The following MACF1 variants were observed in gnomAD, a reference collection of about 807,000 sequenced individuals.
The protein encoded by MACF1 is microtubule-actin cross-linking factor 1.
MACF1 carries 193 observed loss-of-function variants against 854.8 expected under a neutral mutation model. The observed-to-expected ratio is 0.23, with a 90% CI of 0.20 to 0.25. The LOEUF (loss-of-function observed/expected upper bound fraction) is 0.25, where lower values mean the gene tolerates loss of function less well. Among genes scored for constraint, MACF1 ranks in the 10% least tolerant of loss-of-function variants. The pLI, the probability that MACF1 is intolerant of heterozygous loss-of-function variation, is 1.00. For synonymous variants in MACF1, 3,185 were observed against 3,226.7 expected, an observed-to-expected ratio of 0.99 and a Z score of 0.44; for missense variants, 7,722 against 8,929.1, an observed-to-expected ratio of 0.86 and a Z score of 5.45.
intron 2 of MACF1, among the ~76,000 whole-genome samples, chr1:39,117,307 C>T (rs1008981663): frequency 2.0e-5 from 3 of 151,966 alleles, no homozygotes; most frequent in African/African-American, 7.3e-5. Flanking sequence ...TGATGTAGTT[C>T]TTTCCCATTG....
Position 39,480,002 on chromosome 1 carries a change from G to A in MACF1, c.22163G>A (p.Gly7388Glu). Residue 7388 changes from glycine (G) to glutamate (E), a missense_variant, in exon 98 of 101, where the codon GGA (glycine) becomes GAA (glutamate). This residue lies in a region of MACF1 where 185 missense variants were observed against 225.7 expected (regional missense o/e 0.82). Coordinates refer to ENST00000564288, the MANE Select transcript of MACF1 (RefSeq NM_001394062.1). ...MPSSPATPAS[G>E]TKTSLQFSRC... ...TCTTCTCCAGCCACCCCAGCCAGTGGAACCAAGGTATGTACTGATCTCCAT... is the reference window on the plus strand; with the variant it reads ...TCTTCTCCAGCCACCCCAGCCAGTGAAACCAAGGTATGTACTGATCTCCAT... 6.3e-7 allele frequency: 1 copy of A among 1,575,584 alleles called. No homozygotes were observed. The highest frequency in any genetic ancestry group is 8.7e-7 in the Non-Finnish European group (1 of 1,155,234).
Position 39,218,468 on chromosome 1 carries a change from A to ATC in MACF1, c.110-12708_110-12707dup, listed in dbSNP as rs1485541499. Reference sequence around the variant, plus strand: ...TGTGTGACCTTGTCTAAATTATTTAATCTCTCTGGGCCTTGGTTTCTTCAT... The same window carrying ATC: ...TGTGTGACCTTGTCTAAATTATTTAATCTCTCTCTGGGCCTTGGTTTCTTCAT... On this transcript the variant is annotated intron_variant, in intron 1 of 100. Coordinates refer to ENST00000564288, the MANE Select transcript of MACF1 (RefSeq NM_001394062.1). Among the ~76,000 whole-genome samples, 4 of 150,922 alleles carry ATC rather than the reference A, an allele frequency of 2.7e-5. No homozygotes were observed. The East Asian group carries it at 7.8e-4, about 29-fold the overall frequency.
chr1:39,476,579 AAAAG>A (rs1175126675), intron 97 of MACF1, among the ~76,000 whole-genome samples: 34 of 152,234 alleles, frequency 2.2e-4, no homozygotes, highest in Admixed American at 4.6e-4. Flanking sequence ...TCAAAAAAAA[AAAAG>A]AAAGAAAGAA....
intron 21 of MACF1, 40 bp downstream of exon 21, chr1:39,297,785 G>A: frequency 6.2e-7 from 1 of 1,610,548 alleles, no homozygotes; most frequent in Non-Finnish European, 8.5e-7. Context: ...TTCTGAGAAA[G>A]AGAGTAAACC....
At position 39,280,617 on chromosome 1, in the gene MACF1, G is replaced by A. The variant is rs983459086; in HGVS notation, c.529-1591G>A. Among the ~76,000 whole-genome samples the A allele has an allele frequency of 5.3e-4, 81 of 151,902 alleles. 1 individual carries two copies. The highest frequency in any genetic ancestry group is 3.4e-3 in the Middle Eastern group (1 of 294). ...TTTTGAGACAGAGTCTCACTCTGTC[G>A]CCCAGGCTAGGGTGCAGTGGCACAA... On this transcript the variant is annotated intron_variant, in intron 6 of 100. Transcript: ENST00000564288.
At chr1:39,349,351 A>C (rs1469511444) in intron 41 of MACF1, 127 bp from the exon 42 acceptor site, 1 of 879,988 alleles carries the variant, frequency 1.1e-6, no homozygotes, top group East Asian at 2.6e-5. Context: ...GTCTTTTCCT[A>C]TTCTAGTCTC....
At position 39,385,579 on chromosome 1, in the gene MACF1, T is replaced by G; in HGVS notation, c.13994T>G (p.Val4665Gly). The G allele has an allele frequency of 2.5e-6, 4 of 1,614,100 alleles. No homozygotes were observed. The highest frequency in any genetic ancestry group is 3.4e-6 in the Non-Finnish European group (4 of 1,180,024). ...CTCCAGAGCATCAATCAGAAATGGG[T>G]TGAGCTGACTGACAAACTCAACTCC... ...KELQSINQKW[V>G]ELTDKLNSRS... The change falls in exon 57 of 101, where the codon GTT becomes GGT. Residue 4665 changes from valine to glycine, a missense_variant. This residue lies in a region of MACF1 where 2,807 missense variants were observed against 3,235.8 expected (regional missense o/e 0.87). Coordinates refer to ENST00000564288, the MANE Select transcript of MACF1 (RefSeq NM_001394062.1).
intron 22 of MACF1, among the ~76,000 whole-genome samples, chr1:39,301,073 T>C (rs1646030126): frequency 6.6e-6 from 1 of 152,172 alleles, no homozygotes; most frequent in Non-Finnish European, 1.5e-5. Context: ...CCTCCCCATT[T>C]AGTGCACAAA....
intron 2 of MACF1, among the ~76,000 whole-genome samples, chr1:39,123,717 GTTTTTT>G (rs1170430073): frequency 2.9e-4 from 29 of 100,500 alleles, no homozygotes; most frequent in East Asian, 2.8e-3. Flanking sequence ...TTCTTGTTTT[GTTTTTT>G]TTTTTTTTTT....
At position 39,278,791 on chromosome 1, in the gene MACF1, G is replaced by A. The variant is rs558899554; in HGVS notation, c.529-3417G>A. 9.9e-5 allele frequency among the ~76,000 whole-genome samples: 15 copies of A among 152,228 alleles called. No homozygotes were observed. The South Asian group carries it at 2.9e-3, about 30-fold the overall frequency. ...GAAGAAGCTGTTTATAGGAAGAGCCGTGATCCATTATTGTGTCCTTGGCTC... is the reference window on the plus strand; with the variant it reads ...GAAGAAGCTGTTTATAGGAAGAGCCATGATCCATTATTGTGTCCTTGGCTC... On this transcript the variant is annotated intron_variant, in intron 6 of 100. Transcript: ENST00000564288.
intron 2 of MACF1, among the ~76,000 whole-genome samples, chr1:39,156,001 C>T (rs1643676580): frequency 1.3e-5 from 2 of 152,176 alleles, no homozygotes; most frequent in Admixed American, 1.3e-4. Flanking sequence ...CATTCTCCTG[C>T]CTCAGCCTCC....
chr1:39,142,710 T>C (rs979539415), intron 2 of MACF1, among the ~76,000 whole-genome samples: 1 of 152,170 alleles, frequency 6.6e-6, no homozygotes, highest in Non-Finnish European at 1.5e-5. Flanking sequence ...GCTATCAGAG[T>C]GGAACAAGTA....
intron 2 of MACF1, among the ~76,000 whole-genome samples, chr1:39,185,291 CA>C (rs61635259): frequency 0.59 from 76,225 of 128,416 alleles, 21,625 homozygotes; most frequent in South Asian, 0.69. Flanking sequence ...GACTCCGTCT[CA>C]AAAAAAAAAA....
At chr1:39,469,008 G>T (rs1282185524) in intron 96 of MACF1, among the ~76,000 whole-genome samples, 2 of 152,144 alleles carry the variant, frequency 1.3e-5, no homozygotes, top group Admixed American at 6.5e-5. Flanking sequence ...TTTGTTTGGG[G>T]TATTAAATTA....
Position 39,361,451 on chromosome 1 carries a change from C to A in MACF1, c.12545C>A (p.Thr4182Lys). ...TTCATGGAGACAGCAGACAGTACTACAGCAGCAGTGCTGCAGGGCAAACTG... is the reference window on the plus strand; with the variant it reads ...TTCATGGAGACAGCAGACAGTACTAAAGCAGCAGTGCTGCAGGGCAAACTG... The part of the protein sequence containing the change: ...TRFMETADST[T>K]AAVLQGKLAE... The change falls in exon 49 of 101, where the codon ACA becomes AAA. Residue 4182 changes from threonine (T) to lysine (K), a missense_variant. Physicochemically the swap from Thr to Lys is moderately conservative, Grantham distance 78. This residue lies in a region of MACF1 where 2,807 missense variants were observed against 3,235.8 expected (regional missense o/e 0.87). Transcript: ENST00000564288. The A allele has an allele frequency of 6.2e-7, 1 of 1,614,196 alleles. No individual in the cohort carries two copies. The highest frequency in any genetic ancestry group is 8.5e-7 in the Non-Finnish European group (1 of 1,180,036).
intron 40 of MACF1, among the ~76,000 whole-genome samples, chr1:39,346,167 T>TC (rs1441010969): frequency 4.6e-5 from 7 of 151,394 alleles, no homozygotes; most frequent in Non-Finnish European, 7.4e-5. Flanking sequence ...ATCGAGACCA[T>TC]CTTGCTAACA....
At chr1:39,453,603 TG>T in intron 87 of MACF1, 103 bp from the exon 88 acceptor site, 2 of 993,666 alleles carry the variant, frequency 2.0e-6, no homozygotes, top group South Asian at 1.5e-5. Context: ...CGTTAACACA[TG>T]GAGGAAAAAG....
At chr1:39,421,221 T>C (rs1202052484) in intron 58 of MACF1, among the ~76,000 whole-genome samples, 1 of 152,208 alleles carries the variant, frequency 6.6e-6, no homozygotes, top group Non-Finnish European at 1.5e-5. Context: ...TTTTTCCTTT[T>C]AGACATGTCT....
chr1:39,454,543 A>G (rs952902239), intron 88 of MACF1, among the ~76,000 whole-genome samples: 23 of 152,170 alleles, frequency 1.5e-4, no homozygotes, highest in Admixed American at 1.3e-4. Flanking sequence ...GATCACGCCT[A>G]TAATCCTAGA....
Sources: gnomAD v4.1 joint callset for allele counts (sites outside exome capture counted in the v4.1 genomes callset) on GRCh38, gnomAD v4.1.1 for gene constraint, gnomAD v4.1.1 regional missense constraint, MANE v1.5 for transcripts, NCBI Gene and HGNC (gene_info 2026-07-23, HGNC 2026-07-21) for gene names.